Variants in ANXA11 observed in about 807,000 individuals in gnomAD.
ANXA11 encodes the protein annexin A11, also known as 56 kDa autoantigen.
A neutral mutation model predicts 64.7 loss-of-function variants in ANXA11; 57 were observed. The observed-to-expected ratio is 0.88, with a 90% CI of 0.71 to 1.10. The LOEUF is 1.10. ANXA11 is among the 50% of genes least tolerant of loss of function. ANXA11 has a pLI of 0.00. For synonymous variants in ANXA11, 260 were observed against 265.2 expected, an observed-to-expected ratio of 0.98 and a Z score of 0.19; for missense variants, 675 against 670.7, an observed-to-expected ratio of 1.01 and a Z score of -0.07.
intron 1 of ANXA11, among the ~76,000 whole-genome samples, chr10:80,188,510 T>TATATATATATATATATATATATAC (rs1846636192): frequency 7.1e-6 from 1 of 140,540 alleles, no homozygotes; most frequent in African/African-American, 2.7e-5. Context: ...TATATATATA[T>TATATATATATATATATATATATAC]AGCACTACAA....
At chr10:80,170,052 A>C (rs560687310) in intron 4 of ANXA11, among the ~76,000 whole-genome samples, 1 of 152,094 alleles carries the variant, frequency 6.6e-6, no homozygotes, top group East Asian at 1.9e-4. Flanking sequence ...TTATCCTTAC[A>C]TCACCCCACC....
intron 9 of ANXA11, 133 bp from the exon 10 acceptor site, chr10:80,163,746 G>A (rs564745816): frequency 2.5e-6 from 2 of 795,270 alleles, no homozygotes; most frequent in East Asian, 5.3e-5. Context: ...AGAACAAATA[G>A]CCCATATGGC....
chr10:80,197,517 C>T (rs1840219791), intron 1 of ANXA11, among the ~76,000 whole-genome samples: 1 of 152,146 alleles, frequency 6.6e-6, no homozygotes, highest in South Asian at 2.1e-4. Flanking sequence ...GAACATCACC[C>T]CCACCTCAGT....
chr10:80,158,142 T>A (rs1417980016), intron 13 of ANXA11, 117 bp from the exon 14 acceptor site: 4 of 871,610 alleles, frequency 4.6e-6, no homozygotes, highest in Admixed American at 2.0e-5. Flanking sequence ...ACTGCATCCA[T>A]CTTTTCTCCT....
chr10:80,169,541 G>C lies in ANXA11; in HGVS notation c.172-183C>G, dbSNP rs1354698853. On this transcript the variant is annotated intron_variant, in intron 4 of 15. Transcript: ENST00000422982. ...ACTTGCTCAAAGTTACACAGCCAGTGAACAGTGCGACTCGATCCAAACCAG... is the reference window on the plus strand; with the variant it reads ...ACTTGCTCAAAGTTACACAGCCAGTCAACAGTGCGACTCGATCCAAACCAG... Among the ~76,000 whole-genome samples the C allele has an allele frequency of 2.0e-5, 3 of 152,192 alleles. No homozygotes were observed. In the East Asian group the frequency reaches 5.8e-4, roughly 29 times the overall value.
intron 1 of ANXA11, among the ~76,000 whole-genome samples, chr10:80,193,386 G>A (rs2132487300): frequency 6.6e-6 from 1 of 152,264 alleles, no homozygotes; most frequent in African/African-American, 2.4e-5. Context: ...GGAAGGATGT[G>A]TCAGGGGACT....
At chr10:80,163,691 G>C in intron 9 of ANXA11, 78 bp from the exon 10 acceptor site, 1 of 1,351,176 alleles carries the variant, frequency 7.4e-7, no homozygotes, top group Non-Finnish European at 1.0e-6. Context: ...TATCAAAAGT[G>C]GGTACTGGGG....
chr10:80,166,857 C>T (rs1317363862), intron 7 of ANXA11, 33 bp downstream of exon 7: 1 of 1,529,018 alleles, frequency 6.5e-7, no homozygotes, highest in Non-Finnish European at 8.9e-7. Flanking sequence ...CAGGACACGC[C>T]TCACTGTCCC....
At chr10:80,190,851 A>G (rs936427769) in intron 1 of ANXA11, among the ~76,000 whole-genome samples, 9 of 149,892 alleles carry the variant, frequency 6.0e-5, no homozygotes, top group Non-Finnish European at 8.9e-5. Context: ...AGCACTTTGG[A>G]AGGCCAAGGT....
Position 80,155,648 on chromosome 10 carries a change from T to C in ANXA11, c.*205A>G. 1 of 557,168 alleles carries C rather than the reference T, an allele frequency of 1.8e-6. No individual in the cohort carries two copies. Among genetic ancestry groups the C allele is most frequent in the East Asian group, 2.9e-5 (1 of 34,400 alleles). 34.5% of individuals were successfully genotyped at this position (557,168 alleles called of 1,614,324 possible). On this transcript the variant is annotated 3_prime_UTR_variant, in exon 16 of 16. Coordinates refer to ENST00000422982, the MANE Select transcript of ANXA11 (RefSeq NM_145868.2). ...CAGCAAGAGGCTGTGAGGGATGGGG[T>C]AGAAAAGGCATCCTGAGAGAGTTCT...
chr10:80,172,330 G>A (rs1221755340), intron 3 of ANXA11, among the ~76,000 whole-genome samples: 1 of 152,156 alleles, frequency 6.6e-6, no homozygotes, highest in African/African-American at 2.4e-5. Flanking sequence ...GGGGGATCTT[G>A]TTGCTGCAAA....
chr10:80,203,483 ACCACAGGGAAACCACTTC>A (rs943519039), intron 1 of ANXA11, among the ~76,000 whole-genome samples: 8 of 152,070 alleles, frequency 5.3e-5, no homozygotes, highest in Admixed American at 1.3e-4. Context: ...CTATATTTTA[ACCACAGGGAAACCACTTC>A]CCTGTGCTGT....
intron 1 of ANXA11, among the ~76,000 whole-genome samples, chr10:80,184,818 A>G (rs1249607932): frequency 1.3e-5 from 2 of 152,194 alleles, no homozygotes; most frequent in African/African-American, 4.8e-5. Context: ...ACCATCTGCA[A>G]ATGTTTTCCA....
At chr10:80,163,323 T>C (rs762636027) in intron 11 of ANXA11, 26 bp downstream of exon 11, 4 of 1,612,342 alleles carry the variant, frequency 2.5e-6, no homozygotes, top group Non-Finnish European at 3.4e-6. Context: ...CTTTAGGAAG[T>C]CCAGGGGCTT....
chr10:80,173,388 T>C (rs1479619810), intron 2 of ANXA11, among the ~76,000 whole-genome samples: 1 of 152,226 alleles, frequency 6.6e-6, no homozygotes, highest in African/African-American at 2.4e-5. Context: ...TGGTAAGGTA[T>C]GGAATCATCG....
At chr10:80,159,365 G>A (rs1845414374) in intron 12 of ANXA11, among the ~76,000 whole-genome samples, 170 bp from the exon 13 acceptor site, 4 of 152,122 alleles carry the variant, frequency 2.6e-5, no homozygotes, top group African/African-American at 7.2e-5. Flanking sequence ...AATCCAATTC[G>A]CCTGGTCTCC....
intron 1 of ANXA11, among the ~76,000 whole-genome samples, chr10:80,187,284 C>A (rs1269854583): frequency 6.6e-6 from 1 of 152,180 alleles, no homozygotes; most frequent in African/African-American, 2.4e-5. Context: ...GGATTCATGG[C>A]CTTATAAAAG....
At chr10:80,169,414 T>C in intron 4 of ANXA11, 56 bp from the exon 5 acceptor site, 1 of 1,585,840 alleles carries the variant, frequency 6.3e-7, no homozygotes, top group Non-Finnish European at 8.5e-7. Flanking sequence ...ACTCCGTCCC[T>C]CCACCCTTTT....
At chr10:80,166,676 T>C in intron 7 of ANXA11, 3 of 580,368 alleles carry the variant, frequency 5.2e-6, no homozygotes, top group East Asian at 2.9e-5. Context: ...AACCCAGGGA[T>C]AGATGTCTGG....
Sources: gnomAD v4.1 joint callset for allele counts (sites outside exome capture counted in the v4.1 genomes callset) on GRCh38, gnomAD v4.1.1 for gene constraint, MANE v1.5 for transcripts, NCBI Gene and HGNC (gene_info 2026-07-23, HGNC 2026-07-21) for gene names.